ENO4: variants seen among roughly 807,000 people sequenced by gnomAD.
ENO4 encodes enolase 4.
A neutral mutation model predicts 63.2 loss-of-function variants in ENO4; 53 were observed. That is an observed-to-expected ratio of 0.84 (90% confidence interval 0.67 to 1.05). ENO4 has a LOEUF of 1.05. ENO4 is among the 50% of genes least tolerant of loss of function. ENO4 has a pLI of 0.00. For missense variants in ENO4, 719 were observed against 772.0 expected (o/e 0.93, Z 0.81); for synonymous variants, 266 against 283.8 (o/e 0.94, Z 0.63).
Position 116,849,756 on chromosome 10 carries a change from C to A in ENO4, c.165+25C>A, listed in dbSNP as rs764036536. ...GGTAGGGACCTGGGACAAGCGCTCTCCTCCCGCCAACCCCTCTCCCCCCGC... is the reference window on the plus strand; with the variant it reads ...GGTAGGGACCTGGGACAAGCGCTCTACTCCCGCCAACCCCTCTCCCCCCGC... On this transcript the variant is annotated intron_variant, in intron 1 of 13. Transcript: ENST00000341276. 22 of 1,483,374 alleles carry A rather than the reference C, an allele frequency of 1.5e-5. No homozygotes were observed. In the African/African-American group the frequency reaches 2.7e-4, roughly 18 times the overall value. The allele number at this position is 1,483,374 out of a possible 1,614,324, so 91.9% of individuals were successfully genotyped here. A position where few individuals can be genotyped will look rare whatever the true frequency, so the allele number is the denominator to read the frequency against.
At chr10:116,910,046 C>T (rs1848128589) in intron 10 of ENO4, among the ~76,000 whole-genome samples, 5 of 152,140 alleles carry the variant, frequency 3.3e-5, no homozygotes, top group Admixed American at 3.3e-4. Flanking sequence ...ACTCCAGCAA[C>T]AAGCACCACT....
intron 10 of ENO4, among the ~76,000 whole-genome samples, chr10:116,875,520 T>C (rs905850047): frequency 1.3e-5 from 2 of 150,894 alleles, no homozygotes; most frequent in Non-Finnish European, 2.9e-5. Flanking sequence ...AGTTTTTGTA[T>C]TTTTTGTAGA....
chr10:116,888,075 G>A (rs1338046869), intron 10 of ENO4, among the ~76,000 whole-genome samples: 7 of 152,100 alleles, frequency 4.6e-5, no homozygotes, highest in Admixed American at 3.3e-4. Flanking sequence ...TGTGTGGCTC[G>A]GTCATCATCC....
At chr10:116,857,449 T>C (rs1337668077) in intron 3 of ENO4, among the ~76,000 whole-genome samples, 1 of 152,218 alleles carries the variant, frequency 6.6e-6, no homozygotes. Flanking sequence ...TTACTAGGGC[T>C]ATGGAAATGT....
chr10:116,886,292 C>A, downstream of ENO4: 2 of 1,550,734 alleles, frequency 1.3e-6, no homozygotes, highest in South Asian at 1.2e-5. Flanking sequence ...CAACACTAAT[C>A]ATGTGCTTAT....
chr10:116,885,977 C>G (rs117804228), downstream of ENO4: 2 of 200,938 alleles, frequency 1.0e-5, no homozygotes, highest in Non-Finnish European at 2.0e-5. Flanking sequence ...TTTGTTTATC[C>G]GATTATATAC....
intron 10 of ENO4, among the ~76,000 whole-genome samples, chr10:116,910,126 T>G (rs1394674138): frequency 2.0e-5 from 3 of 152,158 alleles, no homozygotes; most frequent in Non-Finnish European, 4.4e-5. Context: ...ATGTGTGTGG[T>G]TTATAGGCTC....
intron 10 of ENO4, among the ~76,000 whole-genome samples, chr10:116,889,761 A>G (rs977990810): frequency 6.6e-6 from 1 of 152,136 alleles, no homozygotes; most frequent in Non-Finnish European, 1.5e-5. Flanking sequence ...ATGTTTACTG[A>G]TTTCATTCTT....
At chr10:116,897,929 G>A (rs1410474469) in intron 10 of ENO4, among the ~76,000 whole-genome samples, 2 of 152,044 alleles carry the variant, frequency 1.3e-5, no homozygotes, top group Admixed American at 6.6e-5. Context: ...GGCTTTTATT[G>A]ATTAAAATAC....
chr10:116,888,430 C>T (rs1249721195), intron 10 of ENO4, among the ~76,000 whole-genome samples: 1 of 152,170 alleles, frequency 6.6e-6, no homozygotes, highest in Non-Finnish European at 1.5e-5. Context: ...CTAGTCATGC[C>T]GTCTGTGTAA....
At chr10:116,889,042 A>T (rs187386529) in intron 10 of ENO4, among the ~76,000 whole-genome samples, 517 of 152,306 alleles carry the variant, frequency 3.4e-3, no homozygotes, top group Non-Finnish European at 5.0e-3. Flanking sequence ...CATGCAAAGG[A>T]GGTAGTATTT....
intron 10 of ENO4, among the ~76,000 whole-genome samples, chr10:116,900,075 TA>T (rs1463992550): frequency 6.6e-6 from 1 of 152,246 alleles, no homozygotes; most frequent in Admixed American, 6.5e-5. Context: ...TCAATCTGGA[TA>T]GTCTAATTAT....
chr10:116,869,952 G>T (rs570386231), intron 8 of ENO4, among the ~76,000 whole-genome samples: 16 of 152,282 alleles, frequency 1.1e-4, no homozygotes, highest in African/African-American at 3.8e-4. Flanking sequence ...TTTACTTTAT[G>T]TAATGTGCTT....
At chr10:116,850,012 T>C in intron 1 of ENO4, 1 of 597,808 alleles carries the variant, frequency 1.7e-6, no homozygotes, top group Non-Finnish European at 3.0e-6. Flanking sequence ...CTGGCAGGCT[T>C]CCTCGCTGCC....
intron 9 of ENO4, 76 bp downstream of exon 9, chr10:116,871,368 CT>C: frequency 8.0e-7 from 1 of 1,253,454 alleles, no homozygotes; most frequent in Non-Finnish European, 1.1e-6. Flanking sequence ...AAAAAAAGAG[CT>C]TATCTGAATA....
At chr10:116,896,705 C>T (rs1847533435) in intron 10 of ENO4, among the ~76,000 whole-genome samples, 1 of 152,120 alleles carries the variant, frequency 6.6e-6, no homozygotes, top group Non-Finnish European at 1.5e-5. Flanking sequence ...AGCAGAGCGG[C>T]TCCGAAGCAG....
chr10:116,904,573 T>C (rs932889914), intron 10 of ENO4, among the ~76,000 whole-genome samples: 7 of 152,170 alleles, frequency 4.6e-5, no homozygotes, highest in Non-Finnish European at 1.0e-4. Flanking sequence ...TTATTAACGA[T>C]TCTACTGAAA....
chr10:116,854,559 TAAA>T (rs61238867), intron 1 of ENO4, among the ~76,000 whole-genome samples: 7 of 132,442 alleles, frequency 5.3e-5, no homozygotes, highest in Admixed American at 1.5e-4. Flanking sequence ...GACTCTGTCT[TAAA>T]AAAAAAAAAA....
At chr10:116,906,561 AAG>A in intron 10 of ENO4, 5 of 1,479,088 alleles carry the variant, frequency 3.4e-6, no homozygotes, top group Non-Finnish European at 4.5e-6. Context: ...TTCATGTAAA[AAG>A]AGACTTAGAA....
Sources: gnomAD v4.1 joint callset for allele counts (sites outside exome capture counted in the v4.1 genomes callset) on GRCh38, gnomAD v4.1.1 for gene constraint, MANE v1.5 for transcripts, NCBI Gene and HGNC (gene_info 2026-07-23, HGNC 2026-07-21) for gene names.